Variants in TNFAIP8 observed in about 807,000 individuals in gnomAD.
TNFAIP8 encodes the protein tumor necrosis factor alpha-induced protein 8.
In TNFAIP8, 7 loss-of-function variants were observed where a neutral mutation model predicts 13.3. The ratio of observed to expected loss-of-function variants is 0.52; its 90% confidence interval spans 0.30 to 0.99. TNFAIP8 has a LOEUF of 0.99. Ranked by LOEUF, TNFAIP8 falls within the 50% of genes least tolerant of loss-of-function variation. The pLI, the probability that TNFAIP8 is intolerant of heterozygous loss-of-function variation, is 0.07. For synonymous variants in TNFAIP8, 94 were observed against 87.6 expected, an observed-to-expected ratio of 1.07 and a Z score of -0.41; for missense variants, 258 against 236.9, an observed-to-expected ratio of 1.09 and a Z score of -0.58.
At position 119,347,416 on chromosome 5, in the gene TNFAIP8, G is replaced by T. The variant is rs1750944881; in HGVS notation, c.2-45400G>T. On this transcript the variant is annotated intron_variant, in intron 1 of 1. Coordinates refer to the TNFAIP8 transcript ENST00000274456. ...TAAGTTCAGTAGTAAAATGTCTGTT[G>T]AAACAGACTTCAGATTGAAAAGGTT... Among the ~76,000 whole-genome samples the T allele has an allele frequency of 2.0e-5, 3 of 152,190 alleles. No individual in the cohort carries two copies. The South Asian group carries it at 6.2e-4, about 31-fold the overall frequency.
At position 119,300,139 on chromosome 5, in the gene TNFAIP8, A is replaced by C. The variant is rs537594681; in HGVS notation, c.1+31232A>C. ...CACTGTCCTGTGCCCACTATCTGGCACTCCCTAATGAGATGAACCTGGTAC... is the reference window on the plus strand; with the variant it reads ...CACTGTCCTGTGCCCACTATCTGGCCCTCCCTAATGAGATGAACCTGGTAC... On this transcript the variant is annotated intron_variant, in intron 1 of 1. Transcript: ENST00000274456. Among the ~76,000 whole-genome samples the C allele has an allele frequency of 3.3e-5, 5 of 152,118 alleles. No homozygotes were observed. In the South Asian group the frequency reaches 8.3e-4, roughly 25 times the overall value.
At chr5:119,298,930 G>T (rs1268149402) in intron 1 of TNFAIP8, among the ~76,000 whole-genome samples, 3 of 152,018 alleles carry the variant, frequency 2.0e-5, no homozygotes, top group African/African-American at 7.2e-5. Flanking sequence ...TCTTCATGTA[G>T]TTCTCAAGCC....
intron 1 of TNFAIP8, among the ~76,000 whole-genome samples, chr5:119,326,044 G>A (rs2112697735): frequency 6.6e-6 from 1 of 152,272 alleles, no homozygotes. Context: ...CCCACTGAAT[G>A]TCAGTTTTGT....
chr5:119,316,976 G>T (rs1051930312), intron 1 of TNFAIP8, among the ~76,000 whole-genome samples: 2 of 152,204 alleles, frequency 1.3e-5, no homozygotes, highest in African/African-American at 4.8e-5. Context: ...TAGAACCAAG[G>T]CTGAGAAACA....
In TNFAIP8 at chr5:119,359,187, C is replaced by T. The variant is rs566311595; in HGVS notation, c.31+3066C>T. 5.3e-5 allele frequency among the ~76,000 whole-genome samples: 8 copies of T among 152,322 alleles called. No individual in the cohort carries two copies. The South Asian group carries it at 1.7e-3, about 32-fold the overall frequency. On this transcript the variant is annotated intron_variant, in intron 1 of 1. Coordinates refer to ENST00000504771, the MANE Select transcript of TNFAIP8 (RefSeq NM_014350.4). ...TCCTCCTACACCAGTCAGCCCATATCCTTCCTGGCTCCTTCTTTTCTGCAT... is the reference window on the plus strand; with the variant it reads ...TCCTCCTACACCAGTCAGCCCATATTCTTCCTGGCTCCTTCTTTTCTGCAT...
At chr5:119,378,037 C>A (rs541783391) in intron 1 of TNFAIP8, among the ~76,000 whole-genome samples, 3 of 152,166 alleles carry the variant, frequency 2.0e-5, no homozygotes, top group South Asian at 2.1e-4. Flanking sequence ...GAACGTGGGC[C>A]CATTTGGTCA....
At chr5:119,326,513 A>G (rs1460724802) in intron 1 of TNFAIP8, among the ~76,000 whole-genome samples, 1 of 152,064 alleles carries the variant, frequency 6.6e-6, no homozygotes, top group Non-Finnish European at 1.5e-5. Context: ...TCCTATGTTG[A>G]CTCATGGACT....
intron 1 of TNFAIP8, among the ~76,000 whole-genome samples, chr5:119,271,857 A>G (rs1230195095): frequency 6.6e-6 from 1 of 152,184 alleles, no homozygotes; most frequent in Non-Finnish European, 1.5e-5. Flanking sequence ...CAAGAACTCA[A>G]CAAACACTGA....
At chr5:119,349,202 A>C (rs781443368) in intron 1 of TNFAIP8, among the ~76,000 whole-genome samples, 1 of 152,200 alleles carries the variant, frequency 6.6e-6, no homozygotes, top group South Asian at 2.1e-4. Flanking sequence ...TGCCACACCT[A>C]TCTGGAATAT....
At chr5:119,294,197 TC>T (rs2112636173) in intron 1 of TNFAIP8, among the ~76,000 whole-genome samples, 1 of 61,512 alleles carries the variant, frequency 1.6e-5, no homozygotes, top group East Asian at 5.2e-4. Context: ...CCCTCCCCCC[TC>T]CCCCCAACCC....
Position 119,288,266 on chromosome 5 carries a change from GAT to G in TNFAIP8, c.1+19362_1+19363del, listed in dbSNP as rs1020499537. Among the ~76,000 whole-genome samples, 79 of 152,192 alleles carry G rather than the reference GAT, an allele frequency of 5.2e-4. 1 individual carries two copies. The highest frequency in any genetic ancestry group is 5.0e-3 in the Admixed American group (77 of 15,276). On this transcript the variant is annotated intron_variant, in intron 1 of 1. Transcript: ENST00000274456. ...GTTTTTCATGTTTTTATGGACACTT[GAT>G]ATGTTTCTAAATGAAACAATTGGAG...
intron 1 of TNFAIP8, among the ~76,000 whole-genome samples, chr5:119,301,104 C>G (rs1561990868): frequency 6.6e-6 from 1 of 152,214 alleles, no homozygotes; most frequent in South Asian, 2.1e-4. Context: ...AGCTTCCGGT[C>G]CATTCCTGGA....
chr5:119,385,957 T>TG (rs1752652078), intron 1 of TNFAIP8, among the ~76,000 whole-genome samples: 1 of 152,204 alleles, frequency 6.6e-6, no homozygotes, highest in Non-Finnish European at 1.5e-5. Context: ...GTACTTATCT[T>TG]ACAGATGAGG....
intron 1 of TNFAIP8, among the ~76,000 whole-genome samples, chr5:119,322,126 G>A (rs1750076029): frequency 1.3e-5 from 2 of 152,094 alleles, no homozygotes; most frequent in East Asian, 1.9e-4. Context: ...CCAGGAGAAA[G>A]CCTATCCAAA....
At chr5:119,355,621 T>C, upstream of TNFAIP8, 1 of 537,910 alleles carries the variant, frequency 1.9e-6, no homozygotes, top group Non-Finnish European at 3.3e-6. Context: ...GAGGCATTGG[T>C]TCTACCCTAT....
At chr5:119,307,263 T>C (rs779876455) in intron 1 of TNFAIP8, among the ~76,000 whole-genome samples, 2 of 152,240 alleles carry the variant, frequency 1.3e-5, no homozygotes, top group Non-Finnish European at 2.9e-5. Context: ...AATTCGCTTA[T>C]TGTTGAACAT....
intron 1 of TNFAIP8, among the ~76,000 whole-genome samples, chr5:119,300,909 A>G (rs1581585050): frequency 6.6e-6 from 1 of 152,350 alleles, no homozygotes; most frequent in East Asian, 1.9e-4. Context: ...GAAGAATTGC[A>G]GGTGCAGATG....
At position 119,385,112 on chromosome 5, in the gene TNFAIP8, A is replaced by G. The variant is rs894366936; in HGVS notation, c.32-7704A>G. The stretch of plus-strand genomic sequence containing the variant: ...GATGTAAGGAGAAATGGCCTAGTAC[A>G]CTGCTGGATCTTTTCAGATTTATAA... On this transcript the variant is annotated intron_variant, in intron 1 of 1. Transcript: ENST00000504771. 7.9e-5 allele frequency among the ~76,000 whole-genome samples: 12 copies of G among 152,336 alleles called. No homozygotes were observed. In the East Asian group the frequency reaches 9.6e-4, roughly 12 times the overall value.
At chr5:119,392,054 C>T (rs1251157098) in intron 1 of TNFAIP8, among the ~76,000 whole-genome samples, 4 of 152,076 alleles carry the variant, frequency 2.6e-5, no homozygotes, top group Non-Finnish European at 5.9e-5. Flanking sequence ...GGTTATTTCC[C>T]CAAAATGTGT....
Sources: gnomAD v4.1 joint callset for allele counts (sites outside exome capture counted in the v4.1 genomes callset) on GRCh38, gnomAD v4.1.1 for gene constraint, MANE v1.5 for transcripts, NCBI Gene and HGNC (gene_info 2026-07-23, HGNC 2026-07-21) for gene names.